PRSS35: variants seen among roughly 807,000 people sequenced by gnomAD.
PRSS35 encodes serine protease 35, also known as inactive serine protease 35.
In PRSS35, 7 loss-of-function variants were observed where a neutral mutation model predicts 8.1. The ratio of observed to expected loss-of-function variants is 0.86; its 90% confidence interval spans 0.49 to 1.62. The LOEUF (loss-of-function observed/expected upper bound fraction) is 1.62, where lower values mean the gene tolerates loss of function less well. Ranked by LOEUF, PRSS35 falls within the 40% of genes most tolerant of loss-of-function variation. PRSS35 has a pLI of 0.00. For missense variants in PRSS35, 566 were observed against 518.0 expected (o/e 1.09, Z -0.90); for synonymous variants, 199 against 188.7 (o/e 1.05, Z -0.45).
At chr6:83,520,222 C>G (rs1771796161) in intron 1 of PRSS35, among the ~76,000 whole-genome samples, 1 of 152,118 alleles carries the variant, frequency 6.6e-6, no homozygotes, top group African/African-American at 2.4e-5. Context: ...TCATTTAAAA[C>G]CCGGGTAAGC....
In PRSS35 at chr6:83,523,458, T is replaced by C; in HGVS notation, c.17T>C (p.Leu6Pro). Reference sequence around the variant, plus strand: ...AAGATCAAAATGGAAAATATGCTGCTTTGGTTGATATTTTTCACCCCTGGG... The same window carrying C: ...AAGATCAAAATGGAAAATATGCTGCCTTGGTTGATATTTTTCACCCCTGGG... Reference protein sequence around the residue: MENMLLWLIFFTPGWT... With the variant: MENMLPWLIFFTPGWT... The change falls in exon 2 of 2, where the codon CTT becomes CCT. Residue 6 changes from leucine to proline, a missense_variant. Transcript: ENST00000369700. 2 of 1,613,138 alleles carry C rather than the reference T, an allele frequency of 1.2e-6. No individual in the cohort carries two copies. The highest frequency in any genetic ancestry group is 1.7e-6 in the Non-Finnish European group (2 of 1,179,524).
At chr6:83,513,225 T>C (rs1398057228) in intron 1 of PRSS35, among the ~76,000 whole-genome samples, 2 of 152,310 alleles carry the variant, frequency 1.3e-5, no homozygotes, top group South Asian at 4.2e-4. Context: ...GGATGAAACA[T>C]TGGCAAAATA....
In PRSS35 at chr6:83,523,421, G is replaced by T; in HGVS notation, c.-20-1G>T. ...AACCTCTCTCTTTTTCTATTTTTAA[G>T]GACAAAATTAGAAGATCAAAATGGA... On this transcript the variant is annotated splice_acceptor_variant, in intron 1 of 1. Coordinates refer to ENST00000369700, the MANE Select transcript of PRSS35 (RefSeq NM_153362.3). LOFTEE classifies it low-confidence loss of function (5UTR_SPLICE). 2 of 1,584,678 alleles carry T rather than the reference G, an allele frequency of 1.3e-6. No homozygotes were observed. The highest frequency in any genetic ancestry group is 1.8e-5 in the Admixed American group (1 of 54,108).
chr6:83,518,733 T>C (rs1771768598), intron 1 of PRSS35, among the ~76,000 whole-genome samples: 1 of 152,226 alleles, frequency 6.6e-6, no homozygotes, highest in Non-Finnish European at 1.5e-5. Context: ...ACAACCTGTT[T>C]TGAAGTGATA....
Position 83,524,950 on chromosome 6 carries a change from A to G in PRSS35, c.*267A>G, listed in dbSNP as rs1771911845. 1 of 403,480 alleles carries G rather than the reference A, an allele frequency of 2.5e-6. No individual in the cohort carries two copies. The highest frequency in any genetic ancestry group is 4.6e-6 in the Non-Finnish European group (1 of 219,556). 25.0% of individuals were successfully genotyped at this position (403,480 alleles called of 1,614,324 possible). A position where few individuals can be genotyped will look rare whatever the true frequency, so the allele number is the denominator to read the frequency against. On this transcript the variant is annotated 3_prime_UTR_variant, in exon 2 of 2. Coordinates refer to ENST00000369700, the MANE Select transcript of PRSS35 (RefSeq NM_153362.3). Reference sequence around the variant, plus strand: ...TAGAAAAATTTTGTTGCCTTCTTAAAAATTAGACACACTTTAAACCTTCAA... The same window carrying G: ...TAGAAAAATTTTGTTGCCTTCTTAAGAATTAGACACACTTTAAACCTTCAA...
At position 83,524,713 on chromosome 6, in the gene PRSS35, C is replaced by G. The variant is rs1771905905; in HGVS notation, c.*30C>G. 6.4e-7 allele frequency: 1 copy of G among 1,562,146 alleles called. No individual in the cohort carries two copies. The highest frequency in any genetic ancestry group is 8.6e-7 in the Non-Finnish European group (1 of 1,156,582). On this transcript the variant is annotated 3_prime_UTR_variant, in exon 2 of 2. Transcript: ENST00000369700. ...GACCTGAAACAGGGCGGTGTATCAT[C>G]TAAATCACAGAGAAAACCAGCTCTG... is the stretch of plus-strand genomic sequence containing the variant.
At position 83,524,562 on chromosome 6, in the gene PRSS35, A is replaced by G. The variant is rs1351485321; in HGVS notation, c.1121A>G (p.Gln374Arg). Reference protein sequence around the residue: ...RKIIAVYSGHQWVDVHGVQKD... With the variant: ...RKIIAVYSGHRWVDVHGVQKD... ...ATCATTGCGGTCTACTCAGGGCACC[A>G]GTGGGTGGATGTCCACGGGGTTCAG... is the stretch of plus-strand genomic sequence containing the variant. Residue 374 changes from glutamine to arginine, a missense_variant, in exon 2 of 2, where the codon CAG (glutamine) becomes CGG (arginine). Gln to Arg is a conservative substitution (Grantham distance 43, BLOSUM62 1). Coordinates refer to ENST00000369700, the MANE Select transcript of PRSS35 (RefSeq NM_153362.3). 4 of 1,614,212 alleles carry G rather than the reference A, an allele frequency of 2.5e-6. No homozygotes were observed. Among genetic ancestry groups the G allele is most frequent in the South Asian group, 1.1e-5 (1 of 91,086 alleles).
At position 83,524,099 on chromosome 6, in the gene PRSS35, A is replaced by G. The variant is rs781699594; in HGVS notation, c.658A>G (p.Arg220Gly). ...TGGTGGTGACCAAAGAGAGGGTACC[A>G]GAGAGCATCTGCGGGAGAGAGCGAA... is the stretch of plus-strand genomic sequence containing the variant. ...ASGGDQREGT[R>G]EHLRERAKGG... is the part of the protein sequence containing the mutation. The change falls in exon 2 of 2, where the codon AGA becomes GGA. Residue 220 changes from arginine to glycine, a missense_variant. Arg to Gly is a moderately radical substitution (Grantham distance 125). Transcript: ENST00000369700. 1.2e-6 allele frequency: 2 copies of G among 1,614,048 alleles called. No homozygotes were observed. Among genetic ancestry groups the G allele is most frequent in the Non-Finnish European group, 1.7e-6 (2 of 1,179,934 alleles).
chr6:83,518,607 CA>C (rs1424795887), intron 1 of PRSS35, among the ~76,000 whole-genome samples: 9 of 151,944 alleles, frequency 5.9e-5, no homozygotes, highest in Non-Finnish European at 1.0e-4. Flanking sequence ...GAACGAAAAA[CA>C]AAACAAAGAA....
At chr6:83,513,439 G>T (rs1260284608) in intron 1 of PRSS35, among the ~76,000 whole-genome samples, 1 of 152,028 alleles carries the variant, frequency 6.6e-6, no homozygotes, top group Non-Finnish European at 1.5e-5. Context: ...GTGTCTAGGG[G>T]GCTTTCACCC....
chr6:83,524,467 G>A lies in PRSS35; in HGVS notation c.1026G>A (p.Glu342=). The A allele has an allele frequency of 6.2e-7, 1 of 1,614,114 alleles. No homozygotes were observed. The highest frequency in any genetic ancestry group is 1.3e-5 in the African/African-American group (1 of 75,006). ...TCCTTTACCAATACTGCGATGCTGA[G>A]TCGGGCTCCACCGGTTCGGGGGTCT... ...NDLLYQYCDA[E]SGSTGSGVYL... is the part of the protein sequence containing the mutation. Residue 342 remains glutamate, a synonymous_variant, in exon 2 of 2, where the codon GAG becomes GAA. Transcript: ENST00000369700.
chr6:83,522,165 G>A (rs73482888), intron 1 of PRSS35, among the ~76,000 whole-genome samples: 3,061 of 152,278 alleles, frequency 0.02, 97 homozygotes, highest in African/African-American at 0.067. Flanking sequence ...GTATTGTAGG[G>A]ATAAGCGAAT....
chr6:83,514,800 TTGTC>T (rs1771682883), intron 1 of PRSS35, among the ~76,000 whole-genome samples: 1 of 152,140 alleles, frequency 6.6e-6, no homozygotes, highest in East Asian at 1.9e-4. Flanking sequence ...TGCCAGAAAA[TTGTC>T]TGACTGTAGA....
chr6:83,515,497 TTTTG>T (rs58739802), intron 1 of PRSS35, among the ~76,000 whole-genome samples: 64 of 151,310 alleles, frequency 4.2e-4, no homozygotes, highest in Non-Finnish European at 8.1e-4. Flanking sequence ...TTTCTACTGT[TTTTG>T]TTTGTTTGCT....
At position 83,524,696 on chromosome 6, in the gene PRSS35, A is replaced by G. The variant is rs775491883; in HGVS notation, c.*13A>G. On this transcript the variant is annotated 3_prime_UTR_variant, in exon 2 of 2. Coordinates refer to ENST00000369700, the MANE Select transcript of PRSS35 (RefSeq NM_153362.3). ...TGCTTACGGCTAACAGAGACCTGAA[A>G]CAGGGCGGTGTATCATCTAAATCAC... 9 of 1,588,890 alleles carry G rather than the reference A, an allele frequency of 5.7e-6. No individual in the cohort carries two copies. The highest frequency in any genetic ancestry group is 7.7e-6 in the Non-Finnish European group (9 of 1,168,596).
At position 83,524,121 on chromosome 6, in the gene PRSS35, C is replaced by T. The variant is rs375371522; in HGVS notation, c.680C>T (p.Ala227Val). Reference sequence around the variant, plus strand: ...ACCAGAGAGCATCTGCGGGAGAGAGCGAAGGGTGGGAGAAGAAGAAAAAAA... The same window carrying T: ...ACCAGAGAGCATCTGCGGGAGAGAGTGAAGGGTGGGAGAAGAAGAAAAAAA... ...EGTREHLRERAKGGRRRKKSG... is the reference protein window; with the variant it reads ...EGTREHLRERVKGGRRRKKSG... The change falls in exon 2 of 2, where the codon GCG becomes GTG. Residue 227 changes from alanine (A) to valine (V), a missense_variant. Transcript: ENST00000369700. 1.4e-5 allele frequency: 23 copies of T among 1,613,710 alleles called. No individual in the cohort carries two copies. The Middle Eastern group carries it at 8.2e-4, about 58-fold the overall frequency.
In PRSS35 at chr6:83,524,455, C is replaced by T. The variant is rs57628521; in HGVS notation, c.1014C>T (p.Tyr338=). 5.0e-3 allele frequency: 8,003 copies of T among 1,614,100 alleles called. 347 individuals carry two copies. In the African/African-American group the frequency reaches 0.094, roughly 19 times the overall value. ...SDESNDLLYQ[Y]CDAESGSTGS... The stretch of plus-strand genomic sequence containing the variant: ...AATCCAATGATCTCCTTTACCAATA[C>T]TGCGATGCTGAGTCGGGCTCCACCG... Residue 338 remains tyrosine (Y), a synonymous_variant, in exon 2 of 2, where the codon TAC becomes TAT. Coordinates refer to ENST00000369700, the MANE Select transcript of PRSS35 (RefSeq NM_153362.3).
rs137859515 is a variant in PRSS35 at position 83,524,579 on chromosome 6, G to C, written c.1138G>C (p.Gly380Arg). The change falls in exon 2 of 2, where the codon GGG (glycine) becomes CGG (arginine). Residue 380 changes from glycine to arginine, a missense_variant. By Grantham distance (125) the Gly-to-Arg change is moderately radical. Transcript: ENST00000369700. The stretch of plus-strand genomic sequence containing the variant: ...AGGGCACCAGTGGGTGGATGTCCAC[G>C]GGGTTCAGAAGGACTACAACGTTGC... ...YSGHQWVDVH[G>R]VQKDYNVAVR... 6.2e-7 allele frequency: 1 copy of C among 1,614,160 alleles called. No individual in the cohort carries two copies. Among genetic ancestry groups the C allele is most frequent in the Non-Finnish European group, 8.5e-7 (1 of 1,180,024 alleles).
Position 83,523,547 on chromosome 6 carries a change from C to T in PRSS35, c.106C>T (p.Arg36Trp), listed in dbSNP as rs554557790. Residue 36 changes from arginine (R) to tryptophan (W), a missense_variant, in exon 2 of 2, where the codon CGG (arginine) becomes TGG (tryptophan). Physicochemically the swap from Arg to Trp is moderately radical, Grantham distance 101. Coordinates refer to ENST00000369700, the MANE Select transcript of PRSS35 (RefSeq NM_153362.3). ...TATGTGGCACTTGAGAAAGGTACCC[C>T]GGATTGTCAGTGAAAGGACTTTCCA... Reference protein sequence around the residue: ...DFMWHLRKVPRIVSERTFHLT... With the variant: ...DFMWHLRKVPWIVSERTFHLT... The T allele has an allele frequency of 2.7e-5, 43 of 1,614,130 alleles. No homozygotes were observed. The highest frequency in any genetic ancestry group is 3.6e-5 in the Non-Finnish European group (42 of 1,180,034).
Sources: allele counts gnomAD v4.1 joint callset (sites outside exome capture counted in the v4.1 genomes callset), GRCh38; gene constraint gnomAD v4.1.1; transcripts MANE v1.5; gene names NCBI Gene and HGNC (gene_info 2026-07-23, HGNC 2026-07-21).